KHDRBS2: variants seen among roughly 807,000 people sequenced by gnomAD.
KHDRBS2 encodes KH RNA binding domain containing, signal transduction associated 2, also known as KH domain-containing, RNA-binding, signal transduction-associated protein 2.
A neutral mutation model predicts 44.3 loss-of-function variants in KHDRBS2; 26 were observed. That is an observed-to-expected ratio of 0.59 (90% CI 0.43 to 0.81). The LOEUF (loss-of-function observed/expected upper bound fraction) is 0.81. Ranked by LOEUF, KHDRBS2 falls within the 40% of genes least tolerant of loss-of-function variation. KHDRBS2 has a pLI of 0.00. For missense variants in KHDRBS2, 476 were observed against 433.1 expected (o/e 1.10, Z -0.88); for synonymous variants, 194 against 151.1 (o/e 1.28, Z -2.08).
intron 2 of KHDRBS2, among the ~76,000 whole-genome samples, chr6:62,108,596 G>T (rs552118349): frequency 1.3e-3 from 193 of 152,148 alleles, no homozygotes; most frequent in Non-Finnish European, 2.1e-3. Flanking sequence ...CCCATTACTG[G>T]GTATATACCC....
chr6:62,149,390 A>G (rs1319127013), intron 2 of KHDRBS2, among the ~76,000 whole-genome samples: 1 of 151,976 alleles, frequency 6.6e-6, no homozygotes, highest in Non-Finnish European at 1.5e-5. Context: ...AGATCCTATG[A>G]GGAGCCTTTC....
At chr6:61,940,500 C>A (rs1583622087) in intron 4 of KHDRBS2, among the ~76,000 whole-genome samples, 1 of 152,202 alleles carries the variant, frequency 6.6e-6, no homozygotes. Context: ...GTGCTGGGTC[C>A]CACATGCTCC....
At chr6:62,267,399 C>T (rs753483024) in intron 1 of KHDRBS2, among the ~76,000 whole-genome samples, 5 of 152,000 alleles carry the variant, frequency 3.3e-5, no homozygotes, top group Non-Finnish European at 5.9e-5. Context: ...ATGCCAAGTT[C>T]CCATCAGAAA....
chr6:62,223,034 G>A (rs1158025463), intron 1 of KHDRBS2, among the ~76,000 whole-genome samples: 2 of 152,182 alleles, frequency 1.3e-5, no homozygotes, highest in African/African-American at 4.8e-5. Flanking sequence ...CCACTAGGTG[G>A]TGCCCCAGTA....
intron 6 of KHDRBS2, among the ~76,000 whole-genome samples, chr6:61,892,000 C>A (rs1445297704): frequency 6.6e-6 from 1 of 152,110 alleles, no homozygotes; most frequent in Non-Finnish European, 1.5e-5. Flanking sequence ...ATCTAGAAAA[C>A]CCCATTGTCT....
At chr6:61,905,008 T>A (rs1401197595) in intron 4 of KHDRBS2, among the ~76,000 whole-genome samples, 4 of 152,202 alleles carry the variant, frequency 2.6e-5, no homozygotes, top group African/African-American at 9.7e-5. Flanking sequence ...ATACTATGTA[T>A]GATTAAATTG....
At chr6:61,639,886 A>G in the KHDRBS2 span, among the ~76,000 whole-genome samples, 2 of 152,118 alleles carry the variant, frequency 1.3e-5, no homozygotes, top group African/African-American at 2.4e-5. Flanking sequence ...AATGTCCAGA[A>G]AAAAGAAGAG....
the KHDRBS2 span, among the ~76,000 whole-genome samples, chr6:61,577,302 C>G: frequency 5.0e-4 from 76 of 152,162 alleles, no homozygotes; most frequent in African/African-American, 1.8e-3. Context: ...CCATTCAAAC[C>G]ACCTTCTTCC....
At chr6:61,989,490 T>G (rs188865787) in intron 3 of KHDRBS2, among the ~76,000 whole-genome samples, 1 of 152,306 alleles carries the variant, frequency 6.6e-6, no homozygotes, top group Admixed American at 6.5e-5. Context: ...TGCTGTCACA[T>G]TCTCTTACTT....
chr6:61,677,201 T>C (rs1765994232), downstream of KHDRBS2, among the ~76,000 whole-genome samples: 1 of 152,012 alleles, frequency 6.6e-6, no homozygotes, highest in Admixed American at 6.6e-5. Context: ...TAAAAAGTCA[T>C]ATTGATTAAC....
chr6:62,270,473 A>C (rs1429428467), intron 1 of KHDRBS2, among the ~76,000 whole-genome samples: 3 of 151,888 alleles, frequency 2.0e-5, no homozygotes. Context: ...CTGTAAGCCA[A>C]ATAAACCTAT....
intron 3 of KHDRBS2, among the ~76,000 whole-genome samples, chr6:62,044,280 A>C (rs1787187305): frequency 6.6e-6 from 1 of 151,980 alleles, no homozygotes; most frequent in South Asian, 2.1e-4. Context: ...GTTCAGGACC[A>C]GCCTGGACAA....
intron 1 of KHDRBS2, among the ~76,000 whole-genome samples, chr6:62,209,179 G>C (rs900544966): frequency 1.3e-5 from 2 of 152,134 alleles, no homozygotes; most frequent in African/African-American, 4.8e-5. Flanking sequence ...CCTGATTAAA[G>C]GGAACTGTAG....
chr6:61,570,792 C>T, the KHDRBS2 span, among the ~76,000 whole-genome samples: 5 of 151,988 alleles, frequency 3.3e-5, no homozygotes, highest in African/African-American at 4.8e-5. Context: ...AATAATTGTC[C>T]GCCAAGACTT....
At chr6:61,573,944 G>A in the KHDRBS2 span, among the ~76,000 whole-genome samples, 7 of 151,958 alleles carry the variant, frequency 4.6e-5, no homozygotes, top group African/African-American at 7.3e-5. Flanking sequence ...AAGACACATA[G>A]ACCAATGGAA....
At chr6:61,615,695 T>C in the KHDRBS2 span, among the ~76,000 whole-genome samples, 1 of 152,206 alleles carries the variant, frequency 6.6e-6, no homozygotes, top group Non-Finnish European at 1.5e-5. Flanking sequence ...TCAAAAGACA[T>C]GCTCATTGAA....
the KHDRBS2 span, among the ~76,000 whole-genome samples, chr6:61,646,542 C>T: frequency 5.3e-5 from 8 of 152,142 alleles, no homozygotes; most frequent in African/African-American, 1.4e-4. Context: ...CATGTCAATA[C>T]ATGTTATTCA....
chr6:61,701,401 C>T (rs1411790405), intron 7 of KHDRBS2, among the ~76,000 whole-genome samples: 2 of 151,870 alleles, frequency 1.3e-5, no homozygotes, highest in African/African-American at 4.8e-5. Context: ...CTATTTCAAT[C>T]GCAAGAGATA....
intron 2 of KHDRBS2, among the ~76,000 whole-genome samples, chr6:62,126,018 G>T (rs1288700297): frequency 2.7e-5 from 1 of 37,204 alleles, no homozygotes; most frequent in East Asian, 8.5e-4. Flanking sequence ...AGCCATAGCA[G>T]GGTAGAGCAT....
Sources: gnomAD v4.1 joint callset for allele counts (sites outside exome capture counted in the v4.1 genomes callset) on GRCh38, gnomAD v4.1.1 for gene constraint, MANE v1.5 for transcripts, NCBI Gene and HGNC (gene_info 2026-07-23, HGNC 2026-07-21) for gene names.